Variants in CCAR2 observed in about 807,000 individuals in gnomAD.
The protein encoded by CCAR2 is cell cycle and apoptosis regulator 2.
In CCAR2, 21 loss-of-function variants were observed where a neutral mutation model predicts 108.1. The ratio of observed to expected loss-of-function variants is 0.19; its 90% CI spans 0.14 to 0.28. The LOEUF is 0.28. CCAR2 is among the 10% of genes least tolerant of loss of function. The pLI is 1.00. For synonymous variants in CCAR2, 577 were observed against 472.8 expected (o/e 1.22, Z -2.86); for missense variants, 1,126 against 1,177.0 (o/e 0.96, Z 0.63).
chr8:22,605,644 C>G, intron 1 of CCAR2, 92 bp from the exon 2 acceptor site: 1 of 733,496 alleles, frequency 1.4e-6, no homozygotes, highest in African/African-American at 1.8e-5. Context: ...TCCCTGTTTT[C>G]CGAAATATCC....
intron 6 of CCAR2, 38 bp downstream of exon 6, chr8:22,607,363 T>TG (rs35101162): frequency 1.2e-6 from 2 of 1,602,278 alleles, no homozygotes; most frequent in Non-Finnish European, 1.7e-6. Flanking sequence ...TGTGGCATTA[T>TG]GGGGTAGTTT....
chr8:22,607,067 T>C (rs938641646), intron 5 of CCAR2, 43 bp downstream of exon 5: 3 of 1,610,656 alleles, frequency 1.9e-6, no homozygotes, highest in Admixed American at 3.4e-5. Flanking sequence ...AGGGAAGGGA[T>C]GGAAGCCCCT....
At chr8:22,611,408 G>GTGTGTGTGTGTA (rs1563912379) in intron 7 of CCAR2, among the ~76,000 whole-genome samples, 1 of 146,340 alleles carries the variant, frequency 6.8e-6, no homozygotes, top group Non-Finnish European at 1.5e-5. Flanking sequence ...GTGTGTGTAT[G>GTGTGTGTGTGTA]TGTGTGTATA....
chr8:22,609,401 C>G (rs766007020), intron 7 of CCAR2, among the ~76,000 whole-genome samples: 2 of 152,200 alleles, frequency 1.3e-5, no homozygotes, highest in African/African-American at 2.4e-5. Flanking sequence ...ATCTTCCCAC[C>G]TCAGCCTCCC....
Position 22,618,389 on chromosome 8 carries a change from G to A in CCAR2, c.2114G>A (p.Cys705Tyr). ...CCCTCTGCTGTGCTCCCCTTAGACT[G>A]TCTGCTTGCTTTTGTGTTCTTTGAT... ...LDPSAVLPLD[C>Y]LLAFVFFDAN... The change falls in exon 17 of 21, where the codon TGT becomes TAT. Residue 705 changes from cysteine (C) to tyrosine (Y), a missense_variant. By Grantham distance (194) the Cys-to-Tyr change is radical. Around this residue, in one of 4 missense-constraint regions of CCAR2, gnomAD observed 1,013 missense variants for 993.9 expected, o/e 1.02. Coordinates refer to ENST00000308511, the MANE Select transcript of CCAR2 (RefSeq NM_001393997.1). 1 of 1,614,218 alleles carries A rather than the reference G, an allele frequency of 6.2e-7. No homozygotes were observed. The highest frequency in any genetic ancestry group is 8.5e-7 in the Non-Finnish European group (1 of 1,180,028).
intron 16 of CCAR2, 63 bp from the exon 17 acceptor site, chr8:22,618,286 C>T (rs920664943): frequency 1.9e-6 from 3 of 1,606,438 alleles, no homozygotes; most frequent in African/African-American, 1.3e-5. Context: ...AGGCTGAATC[C>T]TGGGCGATAG....
Position 22,605,583 on chromosome 8 carries a change from C to T in CCAR2, c.-38-153C>T, listed in dbSNP as rs572402620. ...ATGTAATTTCTTGTTTCATTTCTTT[C>T]TTCTCTATATTCTCTCCATCCATTG... On this transcript the variant is annotated intron_variant, in intron 1 of 20. Coordinates refer to ENST00000308511, the MANE Select transcript of CCAR2 (RefSeq NM_001393997.1). 26 of 591,790 alleles carry T rather than the reference C, an allele frequency of 4.4e-5. No individual in the cohort carries two copies. The East Asian group carries it at 6.1e-4, about 14-fold the overall frequency. The allele number at this position is 591,790 out of a possible 1,614,324, so 36.7% of individuals were successfully genotyped here. A position where few individuals can be genotyped will look rare whatever the true frequency, so the allele number is the denominator to read the frequency against.
intron 14 of CCAR2, 79 bp from the exon 15 acceptor site, chr8:22,617,341 T>A: frequency 6.8e-7 from 1 of 1,476,552 alleles, no homozygotes; most frequent in Non-Finnish European, 9.1e-7. Context: ...TAGTTGATAC[T>A]CAGGTGTCAG....
Position 22,620,235 on chromosome 8 carries a change from G to A in CCAR2, c.*553G>A, listed in dbSNP as rs3087518. 6.5e-6 allele frequency: 1 copy of A among 154,152 alleles called. No homozygotes were observed. The highest frequency in any genetic ancestry group is 2.4e-5 in the African/African-American group (1 of 41,452). 9.5% of individuals were successfully genotyped at this position (154,152 alleles called of 1,614,324 possible). ...AAGAGCTCAGTGTTGGGCTGGGTTT[G>A]CCAGTAGAACACTGCGTTCCAGTCA... On this transcript the variant is annotated 3_prime_UTR_variant, in exon 21 of 21. Transcript: ENST00000308511.
In CCAR2 at chr8:22,618,604, G is replaced by A. The variant is rs531801720; in HGVS notation, c.2221-13G>A. On this transcript the variant is annotated splice_polypyrimidine_tract_variant and intron_variant, in intron 17 of 20. Transcript: ENST00000308511. ...GGACGGGGCCTTCTGATCAGCAGAT[G>A]TGTTTTCTGCAGGCCAAGCAGCTGG... 26 of 1,614,016 alleles carry A rather than the reference G, an allele frequency of 1.6e-5. No individual in the cohort carries two copies. In the Middle Eastern group the frequency reaches 4.9e-4, roughly 31 times the overall value.
chr8:22,605,814 G>C lies in CCAR2; in HGVS notation c.41G>C (p.Gly14Ala). Residue 14 changes from glycine (G) to alanine (A), a missense_variant, in exon 2 of 21, where the codon GGG (glycine) becomes GCG (alanine). Gly to Ala is a moderately conservative substitution (Grantham distance 60, BLOSUM62 0). Coordinates refer to ENST00000308511, the MANE Select transcript of CCAR2 (RefSeq NM_001393997.1). ...CGCCAGCGGATCAACCCGCTTCCAGGGGGACGCAACTTCTCAGGTGATCAC... is the reference window on the plus strand; with the variant it reads ...CGCCAGCGGATCAACCCGCTTCCAGCGGGACGCAACTTCTCAGGTGATCAC... ...FKRQRINPLP[G>A]GRNFSGTAST... 6.2e-7 allele frequency: 1 copy of C among 1,613,992 alleles called. No individual in the cohort carries two copies. Among genetic ancestry groups the C allele is most frequent in the South Asian group, 1.1e-5 (1 of 91,064 alleles).
Position 22,615,431 on chromosome 8 carries a change from C to A in CCAR2, c.1212C>A (p.Arg404=). ...IDLSGCTKWW[R]FAEFQYLQPG... Reference sequence around the variant, plus strand: ...CTCCTTTTGCCATGTGCAGGTGGCGCTTTGCCGAGTTTCAGTACCTGCAGC... The same window carrying A: ...CTCCTTTTGCCATGTGCAGGTGGCGATTTGCCGAGTTTCAGTACCTGCAGC... Residue 404 remains arginine, a synonymous_variant, in exon 12 of 21, where the codon CGC becomes CGA. Coordinates refer to ENST00000308511, the MANE Select transcript of CCAR2 (RefSeq NM_001393997.1). The A allele has an allele frequency of 6.2e-7, 1 of 1,613,368 alleles. No homozygotes were observed. The highest frequency in any genetic ancestry group is 1.1e-5 in the South Asian group (1 of 91,062).
At chr8:22,617,651 G>GA (rs777697501) in intron 15 of CCAR2, 45 bp from the exon 16 acceptor site, 2 of 1,614,078 alleles carry the variant, frequency 1.2e-6, no homozygotes, top group South Asian at 2.2e-5. Flanking sequence ...TTGTACTGTG[G>GA]AGTTGGGTGG....
In CCAR2 at chr8:22,619,580, GCAGTCCT is replaced by G. The variant is rs1369570702; in HGVS notation, c.2728-54_2728-48del. 2.5e-5 allele frequency: 38 copies of G among 1,532,184 alleles called. 1 individual carries two copies. The South Asian group carries it at 2.6e-4, about 11-fold the overall frequency. The allele number at this position is 1,532,184 out of a possible 1,614,324, so 94.9% of individuals were successfully genotyped here. Reference sequence around the variant, plus strand: ...CCCAGCAGGAGGCAGTCCGCAGTCCGCAGTCCTCAGATCACCTTGCCAGGCCCGATTC... The same window carrying G: ...CCCAGCAGGAGGCAGTCCGCAGTCCGCAGATCACCTTGCCAGGCCCGATTC... On this transcript the variant is annotated intron_variant, in intron 20 of 20. Coordinates refer to ENST00000308511, the MANE Select transcript of CCAR2 (RefSeq NM_001393997.1).
rs1046598357 is a variant in CCAR2, at chr8:22,610,566, A to T, written c.585-2451A>T. On this transcript the variant is annotated intron_variant, in intron 7 of 20. Coordinates refer to ENST00000308511, the MANE Select transcript of CCAR2 (RefSeq NM_001393997.1). ...ATTCCTGCGAGCTGGAGAGTTGTCA[A>T]AGTGGCTTTGGCATGGGTCTTCTAT... Among the ~76,000 whole-genome samples the T allele has an allele frequency of 1.3e-5, 2 of 152,260 alleles. 1 individual carries two copies. The highest frequency in any genetic ancestry group is 4.1e-4 in the South Asian group (2 of 4,838).
Position 22,615,488 on chromosome 8 carries a change from G to C in CCAR2, c.1269G>C (p.Val423=). 1 of 1,613,984 alleles carries C rather than the reference G, an allele frequency of 6.2e-7. No individual in the cohort carries two copies. Among genetic ancestry groups the C allele is most frequent in the Non-Finnish European group, 8.5e-7 (1 of 1,180,032 alleles). The change falls in exon 12 of 21, where the codon GTG becomes GTC. Residue 423 remains valine, a synonymous_variant. Transcript: ENST00000308511. ...CCCCCCGGCGGCTTCAGACAGTGGT[G>C]GTGTACCTGCCGGATGTCTGGACCA... is the stretch of plus-strand genomic sequence containing the variant. ...PGPPRRLQTV[V]VYLPDVWTIM... is the part of the protein sequence containing the mutation.
chr8:22,616,305 C>T (rs1381417167), intron 14 of CCAR2, 57 bp downstream of exon 14: 1 of 1,529,764 alleles, frequency 6.5e-7, no homozygotes, highest in African/African-American at 1.4e-5. Flanking sequence ...CGCACCTTTA[C>T]CCCGGGCTCT....
At chr8:22,607,851 C>T in intron 6 of CCAR2, 118 bp from the exon 7 acceptor site, 1 of 748,820 alleles carries the variant, frequency 1.3e-6, no homozygotes, top group Non-Finnish European at 2.3e-6. Context: ...GTCTTGAACT[C>T]CTGACCTCAA....
Position 22,605,625 on chromosome 8 carries a change from T to C in CCAR2, c.-38-111T>C, listed in dbSNP as rs114531330. 7.5e-3 allele frequency: 4,916 copies of C among 659,676 alleles called. 140 individuals are homozygous for C. The highest frequency in any genetic ancestry group is 0.069 in the East Asian group (2,723 of 39,606). 40.9% of individuals were successfully genotyped at this position (659,676 alleles called of 1,614,324 possible). On this transcript the variant is annotated intron_variant, in intron 1 of 20. Transcript: ENST00000308511. ...CATCCATTGCTTTCATTCATTCTTA[T>C]TACCCACCTCCCTGTTTTCCGAAAT...
Sources: allele counts gnomAD v4.1 joint callset (sites outside exome capture counted in the v4.1 genomes callset), GRCh38; gene constraint gnomAD v4.1.1; regional missense constraint gnomAD v4.1.1; transcripts MANE v1.5; gene names NCBI Gene and HGNC (gene_info 2026-07-23, HGNC 2026-07-21).